Variants in ACLY observed in about 807,000 individuals in gnomAD.
The protein encoded by ACLY is ATP citrate lyase, also known as ATP-citrate synthase.
In ACLY, 41 loss-of-function variants were observed where a neutral mutation model predicts 133.0. That is an observed-to-expected ratio of 0.31 (90% confidence interval 0.24 to 0.40). The LOEUF (loss-of-function observed/expected upper bound fraction) is 0.40. Among genes scored for constraint, ACLY ranks in the 10% least tolerant of loss-of-function variants. The probability of loss-of-function intolerance (pLI) is 1.00; values close to 1 mark genes in which losing one functional copy is unlikely to be tolerated. For missense variants in ACLY, 1,046 were observed against 1,453.8 expected (o/e 0.72, Z 4.56); for synonymous variants, 495 against 549.3 (o/e 0.90, Z 1.38).
chr17:41,924,774 G>C (rs1555635822), intron 1 of ACLY, among the ~76,000 whole-genome samples: 1 of 152,060 alleles, frequency 6.6e-6, no homozygotes, highest in Non-Finnish European at 1.5e-5. Context: ...TATCTCTCTG[G>C]GGATGCAGCA....
At chr17:41,873,698 A>G in intron 23 of ACLY, 113 bp downstream of exon 23, 2 of 1,255,064 alleles carry the variant, frequency 1.6e-6, no homozygotes, top group East Asian at 2.8e-5. Flanking sequence ...CTGTGGCCCC[A>G]AAGATTGATC....
chr17:41,879,149 G>C (rs892991351), intron 20 of ACLY, among the ~76,000 whole-genome samples: 1 of 152,118 alleles, frequency 6.6e-6, no homozygotes, highest in Non-Finnish European at 1.5e-5. Flanking sequence ...ATGGAAGTCA[G>C]GATACAAAGA....
chr17:41,898,527 C>T, intron 12 of ACLY, 104 bp downstream of exon 12: 1 of 1,433,628 alleles, frequency 7.0e-7, no homozygotes, highest in South Asian at 1.4e-5. Flanking sequence ...CTAACTCCCG[C>T]TGTATTTCCT....
chr17:41,870,337 T>A (rs1567881381), intron 25 of ACLY: 1 of 152,322 alleles, frequency 6.6e-6, no homozygotes, highest in East Asian at 1.9e-4. Flanking sequence ...GGATGGAATG[T>A]CCCTCAGAGC....
At chr17:41,873,782 C>G in intron 23 of ACLY, 29 bp downstream of exon 23, 1 of 1,529,214 alleles carries the variant, frequency 6.5e-7, no homozygotes, top group Non-Finnish European at 8.8e-7. Flanking sequence ...AGCTGCAGGG[C>G]CCTGTAATCT....
intron 1 of ACLY, among the ~76,000 whole-genome samples, chr17:41,925,688 C>T (rs1408167466): frequency 6.6e-6 from 1 of 151,960 alleles, no homozygotes; most frequent in African/African-American, 2.4e-5. Flanking sequence ...AGGAGACCCA[C>T]TTAGAAGGAT....
chr17:41,869,384 T>G, intron 26 of ACLY, 90 bp downstream of exon 26: 1 of 1,130,694 alleles, frequency 8.8e-7, no homozygotes, highest in Non-Finnish European at 1.3e-6. Context: ...AGGTTTGCTT[T>G]TAGCTGCATA....
chr17:41,888,450 C>T (rs1256152463), intron 16 of ACLY, among the ~76,000 whole-genome samples: 2 of 152,220 alleles, frequency 1.3e-5, no homozygotes, highest in Non-Finnish European at 2.9e-5. Context: ...ACCATCCCCA[C>T]AGGACAGGGT....
intron 6 of ACLY, among the ~76,000 whole-genome samples, chr17:41,908,265 C>G (rs1257045520): frequency 6.6e-6 from 1 of 152,340 alleles, no homozygotes; most frequent in Non-Finnish European, 1.5e-5. Context: ...GCTTCCTTCA[C>G]AGCCCAAGAG....
rs1555632474 is a variant in ACLY at position 41,905,508 on chromosome 17, T to G, written c.1003+14A>C. 1 of 1,614,176 alleles carries G rather than the reference T, an allele frequency of 6.2e-7. No homozygotes were observed. The highest frequency in any genetic ancestry group is 8.5e-7 in the Non-Finnish European group (1 of 1,180,010). Reference sequence around the variant, plus strand: ...GGAAGTGGGGACAGGTATGTGTGTGTGCAAGTATCTCACCATCTGGGTGCT... The same window carrying G: ...GGAAGTGGGGACAGGTATGTGTGTGGGCAAGTATCTCACCATCTGGGTGCT... On this transcript the variant is annotated intron_variant, in intron 9 of 28. Coordinates refer to ENST00000352035, the MANE Select transcript of ACLY (RefSeq NM_001096.3).
In ACLY at chr17:41,874,169, A is replaced by G. The variant is rs536480528; in HGVS notation, c.2488-204T>C. On this transcript the variant is annotated intron_variant, in intron 22 of 28. Coordinates refer to ENST00000352035, the MANE Select transcript of ACLY (RefSeq NM_001096.3). ...GATCATTTTGGACATAGAAAACAGG[A>G]GGACCCATGACACCACTTGGCATCA... Among the ~76,000 whole-genome samples the G allele has an allele frequency of 7.2e-5, 11 of 152,354 alleles. 1 individual carries two copies. In the South Asian group the frequency reaches 2.3e-3, roughly 32 times the overall value.
chr17:41,906,834 C>T (rs2049734277), intron 7 of ACLY, among the ~76,000 whole-genome samples, 188 bp from the exon 8 acceptor site: 1 of 152,198 alleles, frequency 6.6e-6, no homozygotes, highest in African/African-American at 2.4e-5. Flanking sequence ...CCAAAAACAC[C>T]CATAGTCACA....
chr17:41,912,433 C>A lies in ACLY; in HGVS notation c.269G>T (p.Gly90Val), dbSNP rs2049931787. The A allele has an allele frequency of 1.2e-6, 2 of 1,614,008 alleles. No individual in the cohort carries two copies. ...GVKSWLKPRL[G>V]QEATVGKATG... ...ATGCCCACTCACTGTGGCTTCCTGT[C>A]CCAGCCGTGGCTTCAGCCAGGACTT... Residue 90 changes from glycine to valine, a missense_variant, in exon 3 of 29, where the codon GGA becomes GTA. Gly to Val is a moderately radical substitution (Grantham distance 109). Transcript: ENST00000352035.
In ACLY at chr17:41,867,792, G is replaced by T. The variant is rs1199788660; in HGVS notation, c.*18C>A. ...GAGATCTTGTCTTCAGTTTACTGCA[G>T]TAGGGTTCCTGGCTCTGTTACATGC... On this transcript the variant is annotated 3_prime_UTR_variant, in exon 29 of 29. Transcript: ENST00000352035. 2.3e-5 allele frequency: 37 copies of T among 1,592,746 alleles called. No homozygotes were observed. The highest frequency in any genetic ancestry group is 3.2e-5 in the Non-Finnish European group (37 of 1,166,322).
intron 1 of ACLY, among the ~76,000 whole-genome samples, chr17:41,924,175 C>T (rs972658425): frequency 6.6e-6 from 1 of 151,344 alleles, no homozygotes; most frequent in Non-Finnish European, 1.5e-5. Context: ...GACTGAGTCT[C>T]GCTCTGTCAC....
At chr17:41,910,738 G>C (rs1302053791) in intron 3 of ACLY, among the ~76,000 whole-genome samples, 3 of 152,184 alleles carry the variant, frequency 2.0e-5, no homozygotes, top group African/African-American at 7.2e-5. Context: ...GGCTTAATCA[G>C]GGAAACTTCT....
Position 41,906,536 on chromosome 17 carries a change from G to A in ACLY, c.858C>T (p.Val286=), listed in dbSNP as rs115877497. The A allele has an allele frequency of 4.5e-4, 728 of 1,614,036 alleles. 3 individuals are homozygous for A. In the African/African-American group the frequency reaches 8.9e-3, roughly 20 times the overall value. ...WTMVAGGGAS[V]VYSDTICDLG... is the part of the protein sequence containing the mutation. ...CAACCCCCTTCGGTCACCTGTACAC[G>A]ACAGAGGCGCCACCCCCGGCCACCA... is the stretch of plus-strand genomic sequence containing the variant. Residue 286 remains valine, a synonymous_variant, in exon 8 of 29, where the codon GTC becomes GTT. Transcript: ENST00000352035.
chr17:41,915,343 G>A (rs1555634340), intron 1 of ACLY, among the ~76,000 whole-genome samples: 2 of 152,150 alleles, frequency 1.3e-5, no homozygotes, highest in African/African-American at 2.4e-5. Flanking sequence ...TTAATTTGCT[G>A]GGGGAGAAAA....
At chr17:41,892,144 G>T in intron 16 of ACLY, 135 bp downstream of exon 16, 3 of 845,946 alleles carry the variant, frequency 3.5e-6, no homozygotes, top group Non-Finnish European at 5.3e-6. Context: ...CCAGCCCTTT[G>T]TCCCAGGCAG....
Sources: gnomAD v4.1 joint callset for allele counts (sites outside exome capture counted in the v4.1 genomes callset) on GRCh38, gnomAD v4.1.1 for gene constraint, MANE v1.5 for transcripts, NCBI Gene and HGNC (gene_info 2026-07-23, HGNC 2026-07-21) for gene names.